ULK4: variants seen among roughly 807,000 people sequenced by gnomAD.
ULK4 encodes the protein unc-51 like kinase 4.
A neutral mutation model predicts 160.6 loss-of-function variants in ULK4; 133 were observed. The observed-to-expected ratio is 0.83, with a 90% CI of 0.72 to 0.96. The LOEUF (loss-of-function observed/expected upper bound fraction) is 0.96. ULK4 is among the 40% of genes least tolerant of loss of function. ULK4 has a pLI of 0.00. For synonymous variants in ULK4, 534 were observed against 539.8 expected (o/e 0.99, Z 0.15); for missense variants, 1,580 against 1,499.5 (o/e 1.05, Z -0.89).
intron 32 of ULK4, among the ~76,000 whole-genome samples, chr3:41,518,470 A>G (rs1373746185): frequency 1.3e-5 from 2 of 152,246 alleles, no homozygotes; most frequent in African/African-American, 4.8e-5. Flanking sequence ...CAAGACAAAT[A>G]GAACACTTCA....
intron 34 of ULK4, among the ~76,000 whole-genome samples, chr3:41,441,889 G>T (rs1487762235): frequency 6.6e-6 from 1 of 152,096 alleles, no homozygotes; most frequent in African/African-American, 2.4e-5. Context: ...AGGTCTATTT[G>T]ATTGACTATC....
At chr3:41,473,020 AG>A (rs1340173464) in intron 32 of ULK4, among the ~76,000 whole-genome samples, 1 of 152,254 alleles carries the variant, frequency 6.6e-6, no homozygotes, top group Non-Finnish European at 1.5e-5. Flanking sequence ...TATAATCAAT[AG>A]ATGCATAGAA....
chr3:41,532,711 T>C (rs911493576), intron 32 of ULK4, among the ~76,000 whole-genome samples: 18 of 152,178 alleles, frequency 1.2e-4, no homozygotes, highest in Non-Finnish European at 1.2e-4. Context: ...AGAGTGGATT[T>C]AAATAGTTGT....
rs551321225 is a variant in ULK4, at chr3:41,806,558, T to C, written c.1849-6265A>G. Among the ~76,000 whole-genome samples, 473 of 152,306 alleles carry C rather than the reference T, an allele frequency of 3.1e-3. 1 individual carries two copies. Among genetic ancestry groups the C allele is most frequent in the African/African-American group, 0.011 (449 of 41,568 alleles). On this transcript the variant is annotated intron_variant, in intron 19 of 36. Coordinates refer to ENST00000301831, the MANE Select transcript of ULK4 (RefSeq NM_017886.4). The stretch of plus-strand genomic sequence containing the variant: ...AATGCGTTTGCTCTTGCTTTTCTAG[T>C]TCTTTTAATTGTGATGTTAGGGTGT...
chr3:41,892,862 T>C (rs900750359), intron 16 of ULK4, among the ~76,000 whole-genome samples: 6 of 152,244 alleles, frequency 3.9e-5, no homozygotes, highest in African/African-American at 1.4e-4. Context: ...GATTCCTGTT[T>C]TCCCATACAT....
At chr3:41,532,687 GT>G (rs1387460763) in intron 32 of ULK4, among the ~76,000 whole-genome samples, 1 of 152,118 alleles carries the variant, frequency 6.6e-6, no homozygotes, top group Admixed American at 6.5e-5. Context: ...GTCTACAGCT[GT>G]TTTTGTGCTA....
chr3:41,451,783 A>G (rs1382784495), intron 34 of ULK4, among the ~76,000 whole-genome samples: 1 of 152,116 alleles, frequency 6.6e-6, no homozygotes, highest in Non-Finnish European at 1.5e-5. Context: ...ACCAAATGAA[A>G]CTGCTACTTT....
intron 34 of ULK4, among the ~76,000 whole-genome samples, chr3:41,436,373 C>T (rs1466619444): frequency 6.6e-6 from 1 of 152,116 alleles, no homozygotes; most frequent in Non-Finnish European, 1.5e-5. Flanking sequence ...TTGGTTGATG[C>T]TTTTTAAAAA....
intron 27 of ULK4, among the ~76,000 whole-genome samples, chr3:41,698,148 T>C (rs2036560666): frequency 6.6e-6 from 1 of 152,214 alleles, no homozygotes; most frequent in African/African-American, 2.4e-5. Flanking sequence ...AAGTACATTC[T>C]ATGGTGTTTG....
chr3:41,276,281 C>T (rs1314335762), intron 35 of ULK4, among the ~76,000 whole-genome samples: 2 of 152,326 alleles, frequency 1.3e-5, no homozygotes, highest in Admixed American at 6.5e-5. Flanking sequence ...CTTCAGAGCT[C>T]TGAGGAAACT....
intron 35 of ULK4, among the ~76,000 whole-genome samples, chr3:41,351,888 C>T (rs755084347): frequency 6.6e-6 from 1 of 152,196 alleles, no homozygotes. Flanking sequence ...GGACTGCATT[C>T]TCATCAGGGT....
intron 30 of ULK4, among the ~76,000 whole-genome samples, chr3:41,650,050 G>A (rs970298700): frequency 3.9e-5 from 6 of 152,032 alleles, no homozygotes; most frequent in Admixed American, 2.0e-4. Flanking sequence ...CAACCTGCCT[G>A]TGGAAGGGAG....
At chr3:41,692,737 G>C (rs1013885341) in intron 27 of ULK4, among the ~76,000 whole-genome samples, 1 of 152,086 alleles carries the variant, frequency 6.6e-6, no homozygotes, top group Admixed American at 6.6e-5. Flanking sequence ...ATTCACTTGT[G>C]CTAAAGTTCA....
chr3:41,719,958 T>C (rs1039751862), intron 22 of ULK4, among the ~76,000 whole-genome samples: 3 of 152,160 alleles, frequency 2.0e-5, no homozygotes, highest in Admixed American at 6.5e-5. Flanking sequence ...TACCTCCCCA[T>C]GCAACAAGCT....
chr3:41,469,618 A>AAAAAAAAAAAAAAAAAAAC (rs2083923400), intron 32 of ULK4, among the ~76,000 whole-genome samples: 1 of 148,606 alleles, frequency 6.7e-6, no homozygotes, highest in African/African-American at 2.5e-5. Context: ...AAAAAAAAAA[A>AAAAAAAAAAAAAAAAAAAC]AAAAAAAAAC....
At chr3:41,323,542 T>G (rs148616061) in intron 35 of ULK4, among the ~76,000 whole-genome samples, 105 of 152,234 alleles carry the variant, frequency 6.9e-4, no homozygotes, top group Non-Finnish European at 1.2e-3. Flanking sequence ...TTAGGGTTTA[T>G]ACTACTGACT....
chr3:41,560,322 C>T lies in ULK4; in HGVS notation c.3226+5703G>A, dbSNP rs933317564. 7.9e-5 allele frequency among the ~76,000 whole-genome samples: 12 copies of T among 152,222 alleles called. 2 individuals carry two copies. The highest frequency in any genetic ancestry group is 6.8e-3 in the Middle Eastern group (2 of 294). The stretch of plus-strand genomic sequence containing the variant: ...GATGCCTCCAGCTTTGTTCTTTTGG[C>T]TTAGGATTATCTTGGCAATGCGGGC... On this transcript the variant is annotated intron_variant, in intron 32 of 36. Transcript: ENST00000301831.
chr3:41,511,709 C>T (rs1031954623), intron 32 of ULK4, among the ~76,000 whole-genome samples: 3 of 152,066 alleles, frequency 2.0e-5, no homozygotes, highest in Non-Finnish European at 2.9e-5. Flanking sequence ...TTATATCAGA[C>T]ATTCAGAGAA....
At chr3:41,271,669 C>T (rs4973932) in intron 35 of ULK4, among the ~76,000 whole-genome samples, 24,094 of 152,108 alleles carry the variant, frequency 0.16, 2,290 homozygotes, top group African/African-American at 0.26. Flanking sequence ...GTTGGGATTA[C>T]AGGCGTGAGC....
Sources: allele counts gnomAD v4.1 joint callset (sites outside exome capture counted in the v4.1 genomes callset), GRCh38; gene constraint gnomAD v4.1.1; transcripts MANE v1.5; gene names NCBI Gene and HGNC (gene_info 2026-07-23, HGNC 2026-07-21).